Variants in CNTNAP2 observed in about 807,000 individuals in gnomAD.
CNTNAP2 encodes contactin-associated protein-like 2.
CNTNAP2 carries 98 observed loss-of-function variants against 155.2 expected under a neutral mutation model. That is an observed-to-expected ratio of 0.63 (90% CI 0.54 to 0.75). CNTNAP2 has a LOEUF of 0.75. Among genes scored for constraint, CNTNAP2 ranks in the 30% least tolerant of loss-of-function variants. CNTNAP2 has a pLI of 0.00. For missense variants in CNTNAP2, 1,727 were observed against 1,688.1 expected, an observed-to-expected ratio of 1.02 and a Z score of -0.40; for synonymous variants, 651 against 631.2, an observed-to-expected ratio of 1.03 and a Z score of -0.47.
chr7:146,729,581 ATTTAT>A (rs1296369251), intron 1 of CNTNAP2, among the ~76,000 whole-genome samples: 1 of 149,430 alleles, frequency 6.7e-6, no homozygotes, highest in East Asian at 1.9e-4. Flanking sequence ...GTATATATAT[ATTTAT>A]TTGTATTTCT....
intron 3 of CNTNAP2, among the ~76,000 whole-genome samples, chr7:146,901,251 T>G (rs1795987665): frequency 6.6e-6 from 1 of 152,278 alleles, no homozygotes; most frequent in African/African-American, 2.4e-5. Flanking sequence ...CTCAACAGTT[T>G]CTGCTGAGTA....
Position 146,310,433 on chromosome 7 carries a change from T to C in CNTNAP2, c.97+193460T>C, listed in dbSNP as rs1800799376. On this transcript the variant is annotated intron_variant, in intron 1 of 23. Coordinates refer to ENST00000361727, the MANE Select transcript of CNTNAP2 (RefSeq NM_014141.6). Reference sequence around the variant, plus strand: ...AAGCCAAGGAGTAGATACTATTGCATTGTGCGTGGATAGAGCATATTTTCC... The same window carrying C: ...AAGCCAAGGAGTAGATACTATTGCACTGTGCGTGGATAGAGCATATTTTCC... Among the ~76,000 whole-genome samples the C allele has an allele frequency of 2.0e-5, 3 of 152,156 alleles. No individual in the cohort carries two copies. The South Asian group carries it at 6.2e-4, about 32-fold the overall frequency.
intron 14 of CNTNAP2, among the ~76,000 whole-genome samples, chr7:147,937,100 T>G (rs553914871): frequency 2.0e-5 from 3 of 152,092 alleles, no homozygotes; most frequent in Admixed American, 2.0e-4. Flanking sequence ...GCTCCGGGAC[T>G]TTATTTTTGG....
chr7:147,335,896 G>C (rs1319709154), intron 9 of CNTNAP2, among the ~76,000 whole-genome samples: 1 of 152,072 alleles, frequency 6.6e-6, no homozygotes, highest in Non-Finnish European at 1.5e-5. Flanking sequence ...TTTAGCAGCT[G>C]TATCATATTA....
chr7:146,285,163 C>T (rs1484277832), intron 1 of CNTNAP2, among the ~76,000 whole-genome samples: 1 of 151,960 alleles, frequency 6.6e-6, no homozygotes, highest in African/African-American at 2.4e-5. Context: ...AATTGTCCTC[C>T]CTTTACTTTA....
chr7:146,295,912 T>G (rs145248498), intron 1 of CNTNAP2, among the ~76,000 whole-genome samples: 357 of 151,458 alleles, frequency 2.4e-3, no homozygotes, highest in African/African-American at 8.1e-3. Flanking sequence ...AAAGAAAAAT[T>G]TTATTGATTT....
At chr7:146,393,986 G>A (rs746482902) in intron 1 of CNTNAP2, among the ~76,000 whole-genome samples, 1 of 152,248 alleles carries the variant, frequency 6.6e-6, no homozygotes, top group African/African-American at 2.4e-5. Flanking sequence ...CTATGACACA[G>A]TTGGCCAGTC....
rs1408258675 is a variant in CNTNAP2, at chr7:146,967,708, G to A, written c.403-76199G>A. On this transcript the variant is annotated intron_variant, in intron 3 of 23. Transcript: ENST00000361727. ...TGCTTATCAGCTTAAGGAGATTTTA[G>A]GCTGAGACAATGGGGTTTTCTAGAT... 2.0e-5 allele frequency among the ~76,000 whole-genome samples: 3 copies of A among 152,124 alleles called. No homozygotes were observed. In the East Asian group the frequency reaches 5.8e-4, roughly 29 times the overall value.
At chr7:146,186,768 C>T (rs1007342888) in intron 1 of CNTNAP2, among the ~76,000 whole-genome samples, 1 of 152,098 alleles carries the variant, frequency 6.6e-6, no homozygotes, top group African/African-American at 2.4e-5. Context: ...GATGGCATGT[C>T]CCTTCTACCT....
intron 13 of CNTNAP2, among the ~76,000 whole-genome samples, chr7:147,880,383 T>A (rs1055053728): frequency 6.6e-6 from 1 of 152,224 alleles, no homozygotes; most frequent in Non-Finnish European, 1.5e-5. Context: ...ATGACTTTTA[T>A]GTGCATTTGA....
intron 15 of CNTNAP2, among the ~76,000 whole-genome samples, chr7:147,978,375 A>C (rs1456688020): frequency 6.6e-6 from 1 of 152,158 alleles, no homozygotes; most frequent in African/African-American, 2.4e-5. Flanking sequence ...TGGTGATATA[A>C]ATAGTAGCAT....
chr7:148,385,070 TAATCATGTTCCGGCCCTGCACATGG>T (rs1289703529), intron 22 of CNTNAP2, among the ~76,000 whole-genome samples: 4 of 152,244 alleles, frequency 2.6e-5, no homozygotes, highest in Non-Finnish European at 5.9e-5. Flanking sequence ...TTGATTGCTT[TAATCATGTTCCGGCCCTGCACATGG>T]AGTGTGTGGC....
intron 1 of CNTNAP2, among the ~76,000 whole-genome samples, chr7:146,354,608 C>A (rs1361300723): frequency 6.6e-6 from 1 of 151,950 alleles, no homozygotes; most frequent in Non-Finnish European, 1.5e-5. Context: ...AAAGATGGGG[C>A]TTCACAATGT....
chr7:146,823,156 T>C (rs889430113), intron 2 of CNTNAP2, among the ~76,000 whole-genome samples: 4 of 145,350 alleles, frequency 2.8e-5, no homozygotes, highest in Non-Finnish European at 4.5e-5. Flanking sequence ...TACATGGAAA[T>C]ATACTCATTC....
chr7:148,164,164 A>C (rs1805604557), intron 17 of CNTNAP2, among the ~76,000 whole-genome samples: 1 of 152,018 alleles, frequency 6.6e-6, no homozygotes. Flanking sequence ...CGAACTCCTG[A>C]CCTCAGTGAT....
intron 1 of CNTNAP2, among the ~76,000 whole-genome samples, chr7:146,413,938 AC>A (rs1161352644): frequency 6.6e-6 from 1 of 152,144 alleles, no homozygotes; most frequent in African/African-American, 2.4e-5. Flanking sequence ...AGTATTAACG[AC>A]CTTATAGACC....
chr7:146,311,076 A>G (rs1800812709), intron 1 of CNTNAP2, among the ~76,000 whole-genome samples: 1 of 143,342 alleles, frequency 7.0e-6, no homozygotes, highest in South Asian at 2.2e-4. Flanking sequence ...TGAGGAAGTT[A>G]AAAAAAATCA....
At chr7:147,776,216 C>G (rs1413113875) in intron 13 of CNTNAP2, among the ~76,000 whole-genome samples, 1 of 149,546 alleles carries the variant, frequency 6.7e-6, no homozygotes, top group East Asian at 1.9e-4. Context: ...ATACAAAGAA[C>G]TGGATTATTT....
chr7:146,901,611 A>AT (rs1796002228), intron 3 of CNTNAP2, among the ~76,000 whole-genome samples: 1 of 152,176 alleles, frequency 6.6e-6, no homozygotes, highest in Non-Finnish European at 1.5e-5. Flanking sequence ...TCCTTATGGA[A>AT]TTTGCAGTAG....
Sources: allele counts gnomAD v4.1 joint callset (sites outside exome capture counted in the v4.1 genomes callset), GRCh38; gene constraint gnomAD v4.1.1; transcripts MANE v1.5; gene names NCBI Gene and HGNC (gene_info 2026-07-23, HGNC 2026-07-21).